HTR1F: variants seen among roughly 807,000 people sequenced by gnomAD.
The protein encoded by HTR1F is 5-hydroxytryptamine receptor 1F.
Under a neutral mutation model 24.0 loss-of-function variants are expected in HTR1F, and 17 were observed. The observed-to-expected ratio is 0.71, with a 90% CI of 0.48 to 1.06. HTR1F has a LOEUF of 1.06. Among genes scored for constraint, HTR1F ranks in the 50% least tolerant of loss-of-function variants. The pLI is 0.00. For synonymous variants in HTR1F, 186 were observed against 156.8 expected (o/e 1.19, Z -1.39); for missense variants, 391 against 427.8 (o/e 0.91, Z 0.76).
chr3:87,882,467 A>G (rs1400779062), intron 2 of HTR1F, among the ~76,000 whole-genome samples: 1 of 152,106 alleles, frequency 6.6e-6, no homozygotes, highest in Non-Finnish European at 1.5e-5. Context: ...CAAATGTCCA[A>G]CAATGATAGA....
intron 2 of HTR1F, among the ~76,000 whole-genome samples, chr3:87,930,496 G>A (rs151143499): frequency 1.3e-5 from 2 of 152,220 alleles, no homozygotes; most frequent in African/African-American, 4.8e-5. Context: ...AATGTGAAAC[G>A]ATGTTGAATT....
intron 1 of HTR1F, among the ~76,000 whole-genome samples, chr3:87,801,185 T>C (rs1394292253): frequency 1.3e-5 from 2 of 152,230 alleles, no homozygotes; most frequent in African/African-American, 4.8e-5. Context: ...TAAGCACTCA[T>C]CTTTTGCAGA....
Position 87,991,491 on chromosome 3 carries a change from G to C in HTR1F, c.742G>C (p.Glu248Gln). 2 of 1,614,082 alleles carry C rather than the reference G, an allele frequency of 1.2e-6. No homozygotes were observed. Among genetic ancestry groups the C allele is most frequent in the East Asian group, 2.2e-5 (1 of 44,874 alleles). Residue 248 changes from glutamate (E) to glutamine (Q), a missense_variant, in exon 3 of 3, where the codon GAA (glutamate) becomes CAA (glutamine). Transcript: ENST00000319595. ...TKSVSTSYVL[E>Q]KSLSDPSTDF... Reference sequence around the variant, plus strand: ...ATCAGTTTCCACATCCTATGTACTAGAAAAGTCTTTATCTGACCCATCAAC... The same window carrying C: ...ATCAGTTTCCACATCCTATGTACTACAAAAGTCTTTATCTGACCCATCAAC...
intron 2 of HTR1F, among the ~76,000 whole-genome samples, chr3:87,864,687 C>A (rs1440365834): frequency 6.6e-6 from 1 of 151,872 alleles, no homozygotes; most frequent in African/African-American, 2.4e-5. Context: ...CCTGAGGTCA[C>A]GAGTTCAAGA....
In HTR1F at chr3:87,945,979, C is replaced by T. The variant is rs140673032; in HGVS notation, c.-42-44729C>T. 4.4e-3 allele frequency among the ~76,000 whole-genome samples: 665 copies of T among 152,182 alleles called. 16 individuals are homozygous for T. The highest frequency in any genetic ancestry group is 1.0e-3 in the Non-Finnish European group (71 of 68,004). On this transcript the variant is annotated intron_variant, in intron 2 of 2. Transcript: ENST00000319595. ...CTCTGATTTTGGGTTCTTGGCCTCA[C>T]GGATTACAAGGAATGGAACCTTGGG...
At chr3:87,893,063 A>G (rs2107309686) in intron 2 of HTR1F, among the ~76,000 whole-genome samples, 1 of 152,220 alleles carries the variant, frequency 6.6e-6, no homozygotes, top group Non-Finnish European at 1.5e-5. Context: ...TACAGTTGAT[A>G]AATTTTTTTA....
intron 2 of HTR1F, among the ~76,000 whole-genome samples, chr3:87,845,749 C>T (rs1704926245): frequency 6.6e-6 from 1 of 151,868 alleles, no homozygotes; most frequent in Non-Finnish European, 1.5e-5. Flanking sequence ...TCTGTCTTAC[C>T]ACACCAAAGT....
In HTR1F at chr3:87,963,915, C is replaced by G. The variant is rs922880338; in HGVS notation, c.-42-26793C>G. Among the ~76,000 whole-genome samples, 85 of 152,134 alleles carry G rather than the reference C, an allele frequency of 5.6e-4. 3 individuals are homozygous for G. Among genetic ancestry groups the G allele is most frequent in the Non-Finnish European group, 5.9e-5 (4 of 68,016 alleles). On this transcript the variant is annotated intron_variant, in intron 2 of 2. Coordinates refer to ENST00000319595, the MANE Select transcript of HTR1F (RefSeq NM_001322209.2). ...AGAGCCCCAGAGCACCAGGTTCATA[C>G]TTGGTGGGAGTTCATTAATAATTCA... is the stretch of plus-strand genomic sequence containing the variant.
chr3:87,927,173 A>T (rs1704146012), intron 2 of HTR1F, among the ~76,000 whole-genome samples: 1 of 151,924 alleles, frequency 6.6e-6, no homozygotes, highest in South Asian at 2.1e-4. Context: ...AGTGTAGATG[A>T]TCACCAGTGA....
intron 2 of HTR1F, among the ~76,000 whole-genome samples, chr3:87,911,536 A>T (rs1307677075): frequency 2.0e-5 from 3 of 152,114 alleles, no homozygotes; most frequent in African/African-American, 2.4e-5. Context: ...AGAGCTGGTT[A>T]ACATTTCTAC....
chr3:87,928,861 G>C (rs565446604), intron 2 of HTR1F, among the ~76,000 whole-genome samples: 1 of 152,152 alleles, frequency 6.6e-6, no homozygotes, highest in Non-Finnish European at 1.5e-5. Flanking sequence ...CAACATTTCA[G>C]TTCCAGTGTA....
chr3:87,918,653 A>C (rs1703946492), intron 2 of HTR1F, among the ~76,000 whole-genome samples: 2 of 152,226 alleles, frequency 1.3e-5, no homozygotes, highest in South Asian at 4.1e-4. Flanking sequence ...ATACTTAGGA[A>C]TGTACCTAAC....
intron 2 of HTR1F, among the ~76,000 whole-genome samples, chr3:87,902,963 T>C (rs1478973016): frequency 6.6e-6 from 1 of 151,308 alleles, no homozygotes; most frequent in Non-Finnish European, 1.5e-5. Context: ...CCCTCAGAAA[T>C]AATGCCGCAT....
At chr3:87,927,373 C>T (rs1391791374) in intron 2 of HTR1F, among the ~76,000 whole-genome samples, 2 of 152,050 alleles carry the variant, frequency 1.3e-5, no homozygotes, top group East Asian at 1.9e-4. Flanking sequence ...GTAAAGATAA[C>T]TTCTTAATAT....
chr3:87,971,953 A>G (rs1336664488), intron 2 of HTR1F, among the ~76,000 whole-genome samples: 2 of 152,240 alleles, frequency 1.3e-5, no homozygotes, highest in Non-Finnish European at 2.9e-5. Flanking sequence ...TAGAAATAGA[A>G]TGACTGGATA....
intron 1 of HTR1F, among the ~76,000 whole-genome samples, chr3:87,796,276 G>C (rs145654525): frequency 6.6e-6 from 1 of 152,062 alleles, no homozygotes; most frequent in African/African-American, 2.4e-5. Flanking sequence ...CTCATGTCTA[G>C]ATTTATGACC....
At chr3:87,918,055 T>A (rs1273294578) in intron 2 of HTR1F, among the ~76,000 whole-genome samples, 2 of 152,054 alleles carry the variant, frequency 1.3e-5, no homozygotes, top group East Asian at 1.9e-4. Context: ...GATGAAAGGA[T>A]GATTTAACAT....
intron 2 of HTR1F, among the ~76,000 whole-genome samples, chr3:87,969,285 C>G (rs1268950660): frequency 6.6e-6 from 1 of 152,176 alleles, no homozygotes; most frequent in Non-Finnish European, 1.5e-5. Flanking sequence ...CAGCTTGCGC[C>G]TGTGTGCCAG....
At chr3:87,840,965 G>C (rs892260065) in intron 2 of HTR1F, among the ~76,000 whole-genome samples, 14 of 152,030 alleles carry the variant, frequency 9.2e-5, no homozygotes, top group African/African-American at 3.1e-4. Context: ...ATGTTGGTCA[G>C]TGGGTACAAA....
Sources: allele counts gnomAD v4.1 joint callset (sites outside exome capture counted in the v4.1 genomes callset), GRCh38; gene constraint gnomAD v4.1.1; transcripts MANE v1.5; gene names NCBI Gene and HGNC (gene_info 2026-07-23, HGNC 2026-07-21).